The following ACTR3C variants were observed in gnomAD, a reference collection of about 807,000 sequenced individuals.
The protein encoded by ACTR3C is actin-related protein 3C.
In ACTR3C, 18 loss-of-function variants were observed where a neutral mutation model predicts 26.3. The ratio of observed to expected loss-of-function variants is 0.68; its 90% CI spans 0.47 to 1.01. The LOEUF (loss-of-function observed/expected upper bound fraction) is 1.01. Among genes scored for constraint, ACTR3C ranks in the 50% least tolerant of loss-of-function variants. The pLI, the probability that ACTR3C is intolerant of heterozygous loss-of-function variation, is 0.00. For synonymous variants in ACTR3C, 55 were observed against 94.5 expected, an observed-to-expected ratio of 0.58 and a Z score of 2.42; for missense variants, 184 against 250.7, an observed-to-expected ratio of 0.73 and a Z score of 1.80.
the ACTR3C span, among the ~76,000 whole-genome samples, chr7:150,051,207 G>A: frequency 6.6e-6 from 1 of 151,918 alleles, no homozygotes; most frequent in Non-Finnish European, 1.5e-5. Flanking sequence ...ACACATTGCA[G>A]TCGAGGGTGT....
rs189640206 is a variant in ACTR3C, at chr7:150,305,509, G to A, written c.-51-10162C>T. Among the ~76,000 whole-genome samples, 438 of 152,206 alleles carry A rather than the reference G, an allele frequency of 2.9e-3. 1 individual carries two copies. The highest frequency in any genetic ancestry group is 9.8e-3 in the African/African-American group (406 of 41,524). The stretch of plus-strand genomic sequence containing the variant: ...CCTCTCTCCACACTCCCCCGCTCTC[G>A]TCACCCTAACCAAGTCAGGTCCTCA... On this transcript the variant is annotated intron_variant, in intron 1 of 7. Coordinates refer to ENST00000683684, the MANE Select transcript of ACTR3C (RefSeq NM_001164458.2).
chr7:150,137,470 A>G, the ACTR3C span, among the ~76,000 whole-genome samples: 1 of 152,006 alleles, frequency 6.6e-6, no homozygotes, highest in Non-Finnish European at 1.5e-5. Context: ...CAACTCCCCT[A>G]CCCTTGGACT....
the ACTR3C span, among the ~76,000 whole-genome samples, chr7:150,071,337 G>A: frequency 6.7e-6 from 1 of 148,740 alleles, no homozygotes; most frequent in Admixed American, 6.7e-5. Context: ...TGTTAGCCAG[G>A]ATGGTCTCGA....
the ACTR3C span, among the ~76,000 whole-genome samples, chr7:150,103,167 G>A: frequency 4.1e-3 from 630 of 151,994 alleles, 5 homozygotes; most frequent in African/African-American, 0.014. Flanking sequence ...AAGGAGATGG[G>A]CCTTAAGTGA....
chr7:150,192,244 G>C, the ACTR3C span, among the ~76,000 whole-genome samples: 2,303 of 151,362 alleles, frequency 0.015, 23 homozygotes, highest in Middle Eastern at 0.027. Flanking sequence ...TAATTGAGTT[G>C]AGAAGTGTTC....
the ACTR3C span, among the ~76,000 whole-genome samples, chr7:149,992,753 T>C: frequency 6.6e-6 from 1 of 152,148 alleles, no homozygotes; most frequent in Non-Finnish European, 1.5e-5. Context: ...GGGATGTATG[T>C]GTATATGAAA....
At chr7:150,226,611 T>C in the ACTR3C span, among the ~76,000 whole-genome samples, 1 of 152,298 alleles carries the variant, frequency 6.6e-6, no homozygotes, top group South Asian at 2.1e-4. Flanking sequence ...TAATTTTTTG[T>C]ATTTTTAGTA....
the ACTR3C span, among the ~76,000 whole-genome samples, chr7:150,148,641 C>G: frequency 6.6e-6 from 1 of 152,140 alleles, no homozygotes; most frequent in East Asian, 1.9e-4. Context: ...ATAAATGTGT[C>G]ATTGTTTTAC....
At chr7:149,948,579 A>G in the ACTR3C span, among the ~76,000 whole-genome samples, 817 of 151,168 alleles carry the variant, frequency 5.4e-3, 1 homozygote, top group African/African-American at 0.019. Context: ...AACGTTGGCC[A>G]GCAAACATGT....
At chr7:149,939,780 G>A in the ACTR3C span, among the ~76,000 whole-genome samples, 6 of 146,408 alleles carry the variant, frequency 4.1e-5, no homozygotes, top group South Asian at 2.4e-4. Context: ...CTTCAGTATC[G>A]TGACTCCGCA....
chr7:150,075,445 C>T, the ACTR3C span, among the ~76,000 whole-genome samples: 1 of 150,556 alleles, frequency 6.6e-6, no homozygotes, highest in Non-Finnish European at 1.5e-5. Context: ...ACTGACTCCA[C>T]CTCTCAAGAC....
chr7:149,964,099 A>T, the ACTR3C span, among the ~76,000 whole-genome samples: 2 of 152,212 alleles, frequency 1.3e-5, no homozygotes, highest in South Asian at 4.2e-4. Flanking sequence ...TTGGAAAGAG[A>T]ATACTATTGA....
At chr7:150,153,018 T>C in the ACTR3C span, among the ~76,000 whole-genome samples, 1 of 152,206 alleles carries the variant, frequency 6.6e-6, no homozygotes, top group Non-Finnish European at 1.5e-5. Flanking sequence ...ATCTATTTGA[T>C]TCTTCTCTCT....
chr7:149,919,971 C>T, the ACTR3C span, among the ~76,000 whole-genome samples: 38,388 of 80,686 alleles, frequency 0.48, 10,101 homozygotes, highest in South Asian at 0.55. Flanking sequence ...TTGTTGACTT[C>T]CAGGAAATTT....
At chr7:150,286,303 T>C in intron 5 of ACTR3C, 64 bp downstream of exon 5, 1 of 1,556,122 alleles carries the variant, frequency 6.4e-7, no homozygotes, top group Non-Finnish European at 8.7e-7. Flanking sequence ...CTGCTCTTTC[T>C]ACACTCTGGG....
chr7:150,270,755 T>C (rs972057213), intron 6 of ACTR3C, among the ~76,000 whole-genome samples: 1 of 151,738 alleles, frequency 6.6e-6, no homozygotes, highest in African/African-American at 2.4e-5. Flanking sequence ...AGCTGAAATC[T>C]GGTACCCACC....
chr7:150,209,310 CAGAG>C, the ACTR3C span, among the ~76,000 whole-genome samples: 38 of 125,432 alleles, frequency 3.0e-4, 1 homozygote, highest in Non-Finnish European at 4.3e-4. Context: ...GAGACAGAAA[CAGAG>C]AGAGAGAGAG....
At chr7:149,922,970 C>CTTTTTTTTTTTTTTTTTTTT in the ACTR3C span, among the ~76,000 whole-genome samples, 8 of 69,160 alleles carry the variant, frequency 1.2e-4, 1 homozygote, top group African/African-American at 2.7e-4. Flanking sequence ...AAATAAAAGG[C>CTTTTTTTTTTTTTTTTTTTT]TTTTTTTTTT....
At chr7:149,906,112 G>T in the ACTR3C span, among the ~76,000 whole-genome samples, 1,132 of 152,234 alleles carry the variant, frequency 7.4e-3, 14 homozygotes, top group African/African-American at 0.023. Context: ...ACATAATATT[G>T]AGGGTTTTTC....
Sources: gnomAD v4.1 joint callset for allele counts (sites outside exome capture counted in the v4.1 genomes callset) on GRCh38, gnomAD v4.1.1 for gene constraint, MANE v1.5 for transcripts, NCBI Gene and HGNC (gene_info 2026-07-23, HGNC 2026-07-21) for gene names.